The following KCNG3 variants were observed in gnomAD, a reference collection of about 807,000 sequenced individuals.
KCNG3 encodes voltage-gated potassium channel regulatory subunit KCNG3.
A neutral mutation model predicts 29.0 loss-of-function variants in KCNG3; 15 were observed. The ratio of observed to expected loss-of-function variants is 0.52; its 90% CI spans 0.35 to 0.80. The LOEUF is 0.80. Ranked by LOEUF, KCNG3 falls within the 30% of genes least tolerant of loss-of-function variation. The pLI is 0.01. For synonymous variants in KCNG3, 322 were observed against 248.9 expected, an observed-to-expected ratio of 1.29 and a Z score of -2.76; for missense variants, 512 against 605.7, an observed-to-expected ratio of 0.85 and a Z score of 1.62.
At chr2:42,446,428 C>A (rs1408837536) in intron 1 of KCNG3, among the ~76,000 whole-genome samples, 1 of 152,130 alleles carries the variant, frequency 6.6e-6, no homozygotes, top group Non-Finnish European at 1.5e-5. Flanking sequence ...ATCCGCCCAC[C>A]TCGACCTCCC....
intron 1 of KCNG3, among the ~76,000 whole-genome samples, chr2:42,454,648 G>A (rs1174242730): frequency 1.3e-5 from 2 of 151,988 alleles, no homozygotes; most frequent in African/African-American, 4.8e-5. Context: ...GGAGGCAGAG[G>A]TTGCAGTGAG....
At chr2:42,445,133 A>G (rs1325873810) in intron 1 of KCNG3, among the ~76,000 whole-genome samples, 1 of 151,670 alleles carries the variant, frequency 6.6e-6, no homozygotes, top group Non-Finnish European at 1.5e-5. Flanking sequence ...CTACAATACT[A>G]TTAAATTTTG....
At chr2:42,445,915 T>C (rs779456364) in intron 1 of KCNG3, among the ~76,000 whole-genome samples, 46 of 151,842 alleles carry the variant, frequency 3.0e-4, no homozygotes, top group Non-Finnish European at 4.3e-4. Context: ...TTAGTAGAGA[T>C]GGAGTTTCAC....
chr2:42,435,766 G>A, the KCNG3 span, among the ~76,000 whole-genome samples: 1 of 152,166 alleles, frequency 6.6e-6, no homozygotes, highest in South Asian at 2.1e-4. Context: ...AGGATGTGGA[G>A]AAACCGGAAC....
the KCNG3 span, among the ~76,000 whole-genome samples, chr2:42,427,548 G>A: frequency 6.6e-6 from 1 of 151,942 alleles, no homozygotes; most frequent in Non-Finnish European, 1.5e-5. Flanking sequence ...TGAGGCTGCA[G>A]TGAGCCATTA....
rs776952182 is a variant in KCNG3, at chr2:42,447,094, A to AG, written c.666-2516dup. Reference sequence around the variant, plus strand: ...CAGCAAACCTGCCTCAAAAAAAAAAAGGGATGAGGAAGGGGAAGGGAAAAG... The same window carrying AG: ...CAGCAAACCTGCCTCAAAAAAAAAAAGGGGATGAGGAAGGGGAAGGGAAAAG... On this transcript the variant is annotated intron_variant, in intron 1 of 1. Coordinates refer to ENST00000306078, the MANE Select transcript of KCNG3 (RefSeq NM_133329.6). Among the ~76,000 whole-genome samples the AG allele has an allele frequency of 1.9e-4, 24 of 123,704 alleles. 4 individuals are homozygous for AG. The South Asian group carries it at 5.6e-3, about 29-fold the overall frequency. 81.2% of individuals were successfully genotyped at this position (123,704 alleles called of 152,430 possible). A position where few individuals can be genotyped will look rare whatever the true frequency, so the allele number is the denominator to read the frequency against.
chr2:42,431,291 G>A, the KCNG3 span, among the ~76,000 whole-genome samples: 1 of 151,352 alleles, frequency 6.6e-6, no homozygotes, highest in Non-Finnish European at 1.5e-5. Flanking sequence ...TTATGGCAAA[G>A]TACATCTCTC....
chr2:42,462,211 T>C (rs1250175232), intron 1 of KCNG3, among the ~76,000 whole-genome samples: 1 of 152,244 alleles, frequency 6.6e-6, no homozygotes, highest in Non-Finnish European at 1.5e-5. Flanking sequence ...TCCTGGAAGC[T>C]ATTTCATACT....
chr2:42,444,601 A>C lies in KCNG3; in HGVS notation c.666-22T>G. Reference sequence around the variant, plus strand: ...TATCCTGTCAAGAGAACAAAAGAAGAATTGATCATTTTATTTTTAAGCATT... The same window carrying C: ...TATCCTGTCAAGAGAACAAAAGAAGCATTGATCATTTTATTTTTAAGCATT... On this transcript the variant is annotated intron_variant, in intron 1 of 1. Coordinates refer to ENST00000306078, the MANE Select transcript of KCNG3 (RefSeq NM_133329.6). This position sits in a 1 kb window ranked among gnomAD's most constrained non-coding sequence, Gnocchi z 5.8. 6.3e-7 allele frequency: 1 copy of C among 1,575,386 alleles called. No homozygotes were observed. Among genetic ancestry groups the C allele is most frequent in the Non-Finnish European group, 8.6e-7 (1 of 1,160,902 alleles).
At chr2:42,491,673 C>A (rs1673880226) in intron 1 of KCNG3, among the ~76,000 whole-genome samples, 1 of 152,088 alleles carries the variant, frequency 6.6e-6, no homozygotes, top group Non-Finnish European at 1.5e-5. Context: ...CGATTTCAAG[C>A]CAAGAAGAAA....
chr2:42,434,045 T>C, the KCNG3 span, among the ~76,000 whole-genome samples: 2 of 152,196 alleles, frequency 1.3e-5, no homozygotes, highest in African/African-American at 2.4e-5. Flanking sequence ...GAAGACTTAA[T>C]ATGAATAAGA....
chr2:42,444,668 TAC>T lies in KCNG3; in HGVS notation c.666-91_666-90del. The T allele has an allele frequency of 1.7e-6, 2 of 1,172,650 alleles. No homozygotes were observed. Among genetic ancestry groups the T allele is most frequent in the Non-Finnish European group, 2.4e-6 (2 of 827,694 alleles). 72.6% of individuals were successfully genotyped at this position (1,172,650 alleles called of 1,614,324 possible). ...TTCTTCAGATAGTACTACACTGACA[TAC>T]TAATTCAGTTACTTTTCCAGAAAAC... On this transcript the variant is annotated intron_variant, in intron 1 of 1. Transcript: ENST00000306078. The surrounding 1 kb of genome is among the most constrained non-coding windows in gnomAD (Gnocchi z 5.8).
chr2:42,481,490 C>T (rs1352263762), intron 1 of KCNG3, among the ~76,000 whole-genome samples: 1 of 152,202 alleles, frequency 6.6e-6, no homozygotes, highest in Non-Finnish European at 1.5e-5. Context: ...GGAGTCTATA[C>T]TCCACATGCA....
At chr2:42,401,962 G>A in the KCNG3 span, among the ~76,000 whole-genome samples, 1 of 152,168 alleles carries the variant, frequency 6.6e-6, no homozygotes, top group Non-Finnish European at 1.5e-5. Flanking sequence ...GTGTCAACAT[G>A]GCTGGGCTAC....
At chr2:42,391,912 A>G in the KCNG3 span, among the ~76,000 whole-genome samples, 2 of 152,106 alleles carry the variant, frequency 1.3e-5, no homozygotes, top group Non-Finnish European at 2.9e-5. Context: ...TAAACATTTT[A>G]TATCTCTTGT....
At chr2:42,389,349 T>A in the KCNG3 span, among the ~76,000 whole-genome samples, 1 of 152,206 alleles carries the variant, frequency 6.6e-6, no homozygotes, top group African/African-American at 2.4e-5. Flanking sequence ...ATACTATTGT[T>A]CCTATGGTCC....
At chr2:42,425,442 A>T in the KCNG3 span, among the ~76,000 whole-genome samples, 1 of 150,842 alleles carries the variant, frequency 6.6e-6, no homozygotes, top group Non-Finnish European at 1.5e-5. Flanking sequence ...TATTTCCTCC[A>T]GGAAGTGGGG....
the KCNG3 span, among the ~76,000 whole-genome samples, chr2:42,402,346 G>C: frequency 6.6e-6 from 1 of 152,164 alleles, no homozygotes; most frequent in Non-Finnish European, 1.5e-5. Context: ...CTATTGGCCT[G>C]TTTTTCTGGA....
the KCNG3 span, among the ~76,000 whole-genome samples, chr2:42,427,690 AACAG>A: frequency 6.6e-5 from 10 of 152,244 alleles, no homozygotes; most frequent in African/African-American, 2.4e-4. Flanking sequence ...TTTAGTGCAA[AACAG>A]ACATACATTT....
Sources: allele counts gnomAD v4.1 joint callset (sites outside exome capture counted in the v4.1 genomes callset), GRCh38; gene constraint gnomAD v4.1.1; non-coding constraint Gnocchi (gnomAD v3.1); transcripts MANE v1.5; gene names NCBI Gene and HGNC (gene_info 2026-07-23, HGNC 2026-07-21).